LNPK: variants seen among roughly 807,000 people sequenced by gnomAD.
LNPK encodes the protein endoplasmic reticulum junction formation protein lunapark.
LNPK carries 29 observed loss-of-function variants against 55.2 expected under a neutral mutation model. The observed-to-expected ratio is 0.53, with a 90% CI of 0.39 to 0.72. The LOEUF is 0.72. LNPK is among the 30% of genes least tolerant of loss of function. The pLI is 0.00. For synonymous variants in LNPK, 162 were observed against 168.2 expected, an observed-to-expected ratio of 0.96 and a Z score of 0.29; for missense variants, 467 against 494.8, an observed-to-expected ratio of 0.94 and a Z score of 0.53.
intron 4 of LNPK, among the ~76,000 whole-genome samples, chr2:175,981,888 A>G (rs1447515288): frequency 6.6e-6 from 1 of 150,898 alleles, no homozygotes; most frequent in Non-Finnish European, 1.5e-5. Context: ...GACATAATAA[A>G]CATCTGTTGT....
At chr2:175,934,944 T>C (rs961513905) in intron 12 of LNPK, among the ~76,000 whole-genome samples, 2 of 152,114 alleles carry the variant, frequency 1.3e-5, no homozygotes, top group Non-Finnish European at 2.9e-5. Context: ...GATGAAAACT[T>C]TCCAAGATTC....
chr2:175,983,325 C>T (rs1047695574), intron 4 of LNPK, among the ~76,000 whole-genome samples: 3 of 152,160 alleles, frequency 2.0e-5, no homozygotes, highest in Non-Finnish European at 4.4e-5. Context: ...ATACAATTGC[C>T]TAGCCCCACT....
chr2:175,947,051 C>T (rs1216648468), intron 9 of LNPK, among the ~76,000 whole-genome samples: 1 of 151,634 alleles, frequency 6.6e-6, no homozygotes, highest in Non-Finnish European at 1.5e-5. Context: ...CAAAAGTATA[C>T]AATACAGGAG....
intron 8 of LNPK, among the ~76,000 whole-genome samples, chr2:175,959,275 C>T (rs751246731): frequency 2.6e-5 from 4 of 152,088 alleles, no homozygotes; most frequent in Non-Finnish European, 5.9e-5. Flanking sequence ...TCAGATTCAC[C>T]AAGGTTGAAA....
chr2:175,988,961 G>A (rs192399921), intron 4 of LNPK, among the ~76,000 whole-genome samples: 1 of 152,038 alleles, frequency 6.6e-6, no homozygotes, highest in African/African-American at 2.4e-5. Context: ...ATTTTTAGTA[G>A]AGATGGGGTT....
chr2:175,947,720 T>G, intron 8 of LNPK, 28 bp from the exon 9 acceptor site: 1 of 1,473,548 alleles, frequency 6.8e-7, no homozygotes, highest in South Asian at 1.2e-5. Flanking sequence ...ATACTAGACT[T>G]AATTTCCAAT....
rs1322676409 is a variant in LNPK, at chr2:175,928,317, A to G, written c.*1650T>C. On this transcript the variant is annotated 3_prime_UTR_variant, in exon 13 of 13. Transcript: ENST00000272748. ...TCAGGTAGTGTGCTAGGCACATTAC[A>G]TTATTTTTAATTATCCTAATACCCT... The G allele has an allele frequency of 6.6e-6, 1 of 152,118 alleles. No individual in the cohort carries two copies. Among genetic ancestry groups the G allele is most frequent in the Non-Finnish European group, 1.5e-5 (1 of 68,004 alleles). The allele number at this position is 152,118 out of a possible 1,614,324, so 9.4% of individuals were successfully genotyped here. A position where few individuals can be genotyped will look rare whatever the true frequency, so the allele number is the denominator to read the frequency against.
chr2:175,992,628 AT>A (rs1486236937), intron 3 of LNPK, among the ~76,000 whole-genome samples: 3 of 152,162 alleles, frequency 2.0e-5, no homozygotes, highest in Non-Finnish European at 4.4e-5. Flanking sequence ...TTCTAACATC[AT>A]TTTTACAATG....
At chr2:175,945,372 G>T (rs1040155607) in intron 9 of LNPK, among the ~76,000 whole-genome samples, 1 of 151,466 alleles carries the variant, frequency 6.6e-6, no homozygotes, top group Non-Finnish European at 1.5e-5. Context: ...AGGCCTGGTG[G>T]TGCCCACCTG....
intron 5 of LNPK, among the ~76,000 whole-genome samples, chr2:175,975,482 C>T (rs1234256509): frequency 6.6e-6 from 1 of 151,988 alleles, no homozygotes; most frequent in African/African-American, 2.4e-5. Flanking sequence ...TACATAGTGG[C>T]CGTATATATT....
intron 12 of LNPK, among the ~76,000 whole-genome samples, chr2:175,936,474 T>A (rs1684550542): frequency 1.3e-5 from 2 of 152,158 alleles, no homozygotes; most frequent in African/African-American, 4.8e-5. Context: ...AAATAATTAA[T>A]CCTGACTGGT....
At chr2:175,937,594 C>G in intron 11 of LNPK, 80 bp from the exon 12 acceptor site, 1 of 981,692 alleles carries the variant, frequency 1.0e-6, no homozygotes, top group Non-Finnish European at 1.5e-6. Context: ...CACAAGATCA[C>G]TTTTGCAGAT....
intron 9 of LNPK, among the ~76,000 whole-genome samples, chr2:175,944,236 C>G (rs991670313): frequency 6.6e-6 from 1 of 151,912 alleles, no homozygotes; most frequent in African/African-American, 2.4e-5. Context: ...AATCTATACA[C>G]CAAACACTAC....
At chr2:175,997,343 T>C (rs1687976230) in intron 1 of LNPK, among the ~76,000 whole-genome samples, 1 of 152,210 alleles carries the variant, frequency 6.6e-6, no homozygotes, top group Non-Finnish European at 1.5e-5. Context: ...ACTTTAATGA[T>C]TAAACTATAA....
intron 4 of LNPK, among the ~76,000 whole-genome samples, chr2:175,981,812 C>T (rs898850381): frequency 2.6e-5 from 4 of 152,088 alleles, no homozygotes; most frequent in African/African-American, 9.7e-5. Context: ...TACCTAAGAA[C>T]AAAAGATCCT....
At chr2:175,939,423 G>A in intron 10 of LNPK, 129 bp downstream of exon 10, 1 of 433,102 alleles carries the variant, frequency 2.3e-6, no homozygotes, top group Non-Finnish European at 4.2e-6. Flanking sequence ...TCTTTTGCAG[G>A]GCTATAAAAT....
chr2:175,999,652 T>C (rs995021639), intron 1 of LNPK, among the ~76,000 whole-genome samples: 1 of 152,212 alleles, frequency 6.6e-6, no homozygotes, highest in African/African-American at 2.4e-5. Context: ...CAACCTCAAG[T>C]GACTTTTCTC....
intron 9 of LNPK, among the ~76,000 whole-genome samples, chr2:175,939,911 T>C (rs1437347197): frequency 6.6e-6 from 1 of 152,120 alleles, no homozygotes; most frequent in Non-Finnish European, 1.5e-5. Context: ...CCTACATAAC[T>C]ACTAGCAAAT....
chr2:175,973,391 G>T (rs1220033649), intron 5 of LNPK, among the ~76,000 whole-genome samples: 1 of 152,146 alleles, frequency 6.6e-6, no homozygotes, highest in Admixed American at 6.5e-5. Flanking sequence ...GTCCATGAGA[G>T]CAATGAAGTT....
Sources: gnomAD v4.1 joint callset for allele counts (sites outside exome capture counted in the v4.1 genomes callset) on GRCh38, gnomAD v4.1.1 for gene constraint, MANE v1.5 for transcripts, NCBI Gene and HGNC (gene_info 2026-07-23, HGNC 2026-07-21) for gene names.